The following DAB1 variants were observed in gnomAD, a reference collection of about 807,000 sequenced individuals.
The protein encoded by DAB1 is disabled homolog 1.
Under a neutral mutation model 64.6 loss-of-function variants are expected in DAB1, and 15 were observed. The ratio of observed to expected loss-of-function variants is 0.23; its 90% CI spans 0.16 to 0.36. The LOEUF (loss-of-function observed/expected upper bound fraction) is 0.36. DAB1 is among the 10% of genes least tolerant of loss of function. DAB1 has a pLI of 1.00. For missense variants in DAB1, 596 were observed against 706.7 expected, an observed-to-expected ratio of 0.84 and a Z score of 1.78; for synonymous variants, 235 against 251.9, an observed-to-expected ratio of 0.93 and a Z score of 0.64.
At chr1:57,886,792 C>T (rs539658934), upstream of DAB1, among the ~76,000 whole-genome samples, 1 of 152,116 alleles carries the variant, frequency 6.6e-6, no homozygotes, top group African/African-American at 2.4e-5. Context: ...ATCCTACCAG[C>T]TGTGTGATAT....
At chr1:57,266,945 C>T (rs1054859715) in intron 2 of DAB1, among the ~76,000 whole-genome samples, 4 of 152,108 alleles carry the variant, frequency 2.6e-5, no homozygotes, top group African/African-American at 4.8e-5. Context: ...GTCAGTGACA[C>T]ACCATGTCAG....
rs746853620 is a variant in DAB1 at position 56,997,336 on chromosome 1, A to G, written c.*808T>C. 12 of 152,214 alleles carry G rather than the reference A, an allele frequency of 7.9e-5. No individual in the cohort carries two copies. Among genetic ancestry groups the G allele is most frequent in the Non-Finnish European group, 1.8e-4 (12 of 68,032 alleles). 9.4% of individuals were successfully genotyped at this position (152,214 alleles called of 1,614,324 possible). On this transcript the variant is annotated 3_prime_UTR_variant, in exon 15 of 15. Coordinates refer to ENST00000371236, the MANE Select transcript of DAB1 (RefSeq NM_001365792.1). Reference sequence around the variant, plus strand: ...ATGTCTTTTCCTACTCACAGAATGAAGGTTCGTACTGAAAGCTGTCTTTCT... The same window carrying G: ...ATGTCTTTTCCTACTCACAGAATGAGGGTTCGTACTGAAAGCTGTCTTTCT...
intron 4 of DAB1, among the ~76,000 whole-genome samples, chr1:57,106,257 A>AC (rs10658621): frequency 0.34 from 47,365 of 138,478 alleles, 8,809 homozygotes; most frequent in East Asian, 0.83. Flanking sequence ...TCCCCCTAAC[A>AC]CCCCCCCCCA....
Position 57,120,738 on chromosome 1 carries a change from T to C in DAB1, c.306+15805A>G, listed in dbSNP as rs1365225479. On this transcript the variant is annotated intron_variant, in intron 4 of 14. Transcript: ENST00000371236. ...TTTGTCCCTTTTGTGACTGGTTCAC[T>C]TAGAATAATGTCTTCAAGCTTCATC... is the stretch of plus-strand genomic sequence containing the variant. Among the ~76,000 whole-genome samples, 3 of 152,312 alleles carry C rather than the reference T, an allele frequency of 2.0e-5. No individual in the cohort carries two copies. The East Asian group carries it at 5.8e-4, about 29-fold the overall frequency.
chr1:58,168,828 T>C (rs139947867), intron 4 of DAB1, among the ~76,000 whole-genome samples: 98 of 152,262 alleles, frequency 6.4e-4, no homozygotes, highest in African/African-American at 2.3e-3. Context: ...AACATCTTTA[T>C]AGGACATGGG....
chr1:57,072,563 C>T (rs1383925110), intron 4 of DAB1, 149 bp from the exon 5 acceptor site: 4 of 728,268 alleles, frequency 5.5e-6, no homozygotes, highest in East Asian at 2.9e-5. Flanking sequence ...AAGAGCTATG[C>T]CTGTCCTTGA....
At chr1:58,060,726 G>T (rs1348407928) in intron 5 of DAB1, among the ~76,000 whole-genome samples, 1 of 152,210 alleles carries the variant, frequency 6.6e-6, no homozygotes, top group East Asian at 1.9e-4. Context: ...CAAGTCCCAG[G>T]GTAAACTGCC....
chr1:57,793,806 G>A (rs962712592), intron 6 of DAB1, among the ~76,000 whole-genome samples: 4 of 152,184 alleles, frequency 2.6e-5, no homozygotes, highest in Admixed American at 2.6e-4. Context: ...TAAATCACTA[G>A]GCTTTTAGTA....
At chr1:58,405,495 A>G (rs982999045) in intron 3 of DAB1, among the ~76,000 whole-genome samples, 1 of 151,996 alleles carries the variant, frequency 6.6e-6, no homozygotes, top group African/African-American at 2.4e-5. Flanking sequence ...CCTCCCGAGT[A>G]GCTGGGACTA....
At chr1:57,352,965 T>C (rs1426817434) in intron 1 of DAB1, among the ~76,000 whole-genome samples, 1 of 152,104 alleles carries the variant, frequency 6.6e-6, no homozygotes, top group Non-Finnish European at 1.5e-5. Flanking sequence ...TTAGAATTCA[T>C]CCGCACTGTT....
At chr1:57,177,478 C>G (rs1662454705) in intron 2 of DAB1, among the ~76,000 whole-genome samples, 1 of 152,134 alleles carries the variant, frequency 6.6e-6, no homozygotes, top group African/African-American at 2.4e-5. Flanking sequence ...TTTACAATGT[C>G]CACATAGAAT....
intron 5 of DAB1, among the ~76,000 whole-genome samples, chr1:57,942,044 A>G (rs528995516): frequency 6.6e-6 from 1 of 152,158 alleles, no homozygotes; most frequent in Non-Finnish European, 1.5e-5. Context: ...TTCTGGGTAG[A>G]TGGGGCAAGA....
intron 6 of DAB1, among the ~76,000 whole-genome samples, chr1:57,767,901 G>A (rs1228727839): frequency 6.6e-6 from 1 of 151,890 alleles, no homozygotes; most frequent in East Asian, 1.9e-4. Flanking sequence ...TGCTGGCCGG[G>A]GGTGGTAGCT....
At chr1:58,098,110 G>A (rs1438184137) in intron 5 of DAB1, among the ~76,000 whole-genome samples, 1 of 152,124 alleles carries the variant, frequency 6.6e-6, no homozygotes, top group Non-Finnish European at 1.5e-5. Context: ...AATACATACA[G>A]GCCATGTCTT....
intron 4 of DAB1, among the ~76,000 whole-genome samples, chr1:58,204,227 G>C (rs1658141530): frequency 6.6e-6 from 1 of 152,212 alleles, no homozygotes; most frequent in Admixed American, 6.5e-5. Flanking sequence ...CTTGGAGAAT[G>C]AGATTGGTTT....
Position 57,816,005 on chromosome 1 carries a change from C to T in DAB1, n.551+67994G>A, listed in dbSNP as rs151155154. 9.4e-3 allele frequency among the ~76,000 whole-genome samples: 1,435 copies of T among 152,294 alleles called. 20 individuals are homozygous for T. Among genetic ancestry groups the T allele is most frequent in the African/African-American group, 0.033 (1,389 of 41,560 alleles). On this transcript the variant is annotated intron_variant and non_coding_transcript_variant, in intron 6 of 20. Transcript: ENST00000485760. ...TTTCTGGATCCCTGTTGGGCTCAGA[C>T]TTTGCCACTGGCCATCTGGATGATA... is the stretch of plus-strand genomic sequence containing the variant.
chr1:58,350,145 C>T (rs894348441), intron 3 of DAB1, among the ~76,000 whole-genome samples: 1 of 152,168 alleles, frequency 6.6e-6, no homozygotes, highest in Admixed American at 6.5e-5. Context: ...TTAATGACTG[C>T]CATTCTAAGT....
At chr1:57,165,607 T>A (rs1317310682) in intron 2 of DAB1, among the ~76,000 whole-genome samples, 1 of 152,220 alleles carries the variant, frequency 6.6e-6, no homozygotes, top group East Asian at 1.9e-4. Flanking sequence ...ATACATTACT[T>A]TTCATTTAGC....
chr1:57,869,134 C>T (rs139135854), intron 1 of DAB1, among the ~76,000 whole-genome samples: 1 of 152,182 alleles, frequency 6.6e-6, no homozygotes, highest in Non-Finnish European at 1.5e-5. Context: ...ATTACAGTTC[C>T]ATCCTTTACT....
Sources: allele counts gnomAD v4.1 joint callset (sites outside exome capture counted in the v4.1 genomes callset), GRCh38; gene constraint gnomAD v4.1.1; transcripts MANE v1.5; gene names NCBI Gene and HGNC (gene_info 2026-07-23, HGNC 2026-07-21).